Variants in OXSR1 observed in about 807,000 individuals in gnomAD.
OXSR1 encodes the protein serine/threonine-protein kinase OSR1.
A neutral mutation model predicts 79.8 loss-of-function variants in OXSR1; 24 were observed. That is an observed-to-expected ratio of 0.30 (90% CI 0.22 to 0.42). The LOEUF (loss-of-function observed/expected upper bound fraction) is 0.42, where lower values mean the gene tolerates loss of function less well. Among genes scored for constraint, OXSR1 ranks in the 10% least tolerant of loss-of-function variants. The pLI, the probability that OXSR1 is intolerant of heterozygous loss-of-function variation, is 1.00. For synonymous variants in OXSR1, 226 were observed against 209.2 expected (o/e 1.08, Z -0.69); for missense variants, 430 against 618.4 (o/e 0.70, Z 3.23).
intron 1 of OXSR1, among the ~76,000 whole-genome samples, chr3:38,170,661 C>G (rs983828763): frequency 6.6e-6 from 1 of 152,272 alleles, no homozygotes. Flanking sequence ...AGAGGCAGAG[C>G]CAATACTGGC....
intron 8 of OXSR1, among the ~76,000 whole-genome samples, chr3:38,229,092 TAAAAG>T (rs528660597): frequency 5.4e-4 from 82 of 152,330 alleles, no homozygotes; most frequent in African/African-American, 1.9e-3. Context: ...TGTCTTTACT[TAAAAG>T]GAAATAAGAC....
chr3:38,206,485 C>T (rs1172825984), intron 4 of OXSR1, among the ~76,000 whole-genome samples: 1 of 148,890 alleles, frequency 6.7e-6, no homozygotes, highest in Admixed American at 6.7e-5. Flanking sequence ...TATGAATCCA[C>T]TTATTGCATT....
intron 4 of OXSR1, 137 bp downstream of exon 4, chr3:38,199,000 T>TA: frequency 1.6e-6 from 1 of 611,084 alleles, no homozygotes; most frequent in Non-Finnish European, 2.8e-6. Context: ...GAGTCTTAAT[T>TA]ATACAGCTAG....
intron 4 of OXSR1, among the ~76,000 whole-genome samples, chr3:38,199,384 C>T (rs1203887083): frequency 6.6e-6 from 1 of 151,786 alleles, no homozygotes; most frequent in Non-Finnish European, 1.5e-5. Context: ...CCACCTCAGC[C>T]TCCTCAGGCT....
rs917486372 is a variant in OXSR1, at chr3:38,165,743, C to A, written c.-134C>A. ...GACCCCGCGCCCCGGCGCCGTCCGA[C>A]CCGTGGCTGTTCCGAGACGATTGGT... On this transcript the variant is annotated 5_prime_UTR_variant, in exon 1 of 18. Coordinates refer to ENST00000311806, the MANE Select transcript of OXSR1 (RefSeq NM_005109.3). The A allele has an allele frequency of 1.1e-5, 9 of 783,370 alleles. No homozygotes were observed. The highest frequency in any genetic ancestry group is 1.6e-5 in the Non-Finnish European group (8 of 490,270). 48.5% of individuals were successfully genotyped at this position (783,370 alleles called of 1,614,324 possible).
chr3:38,196,402 GA>G (rs1290856855), intron 3 of OXSR1, among the ~76,000 whole-genome samples: 1 of 152,150 alleles, frequency 6.6e-6, no homozygotes, highest in Non-Finnish European at 1.5e-5. Flanking sequence ...AGAAGCGGGG[GA>G]GCTTACAGGA....
intron 4 of OXSR1, among the ~76,000 whole-genome samples, chr3:38,212,882 A>C (rs1406846250): frequency 6.6e-6 from 1 of 152,230 alleles, no homozygotes; most frequent in Non-Finnish European, 1.5e-5. Context: ...TTTAGTTACA[A>C]ATCTTTTCCT....
chr3:38,217,849 A>C (rs576797469), intron 5 of OXSR1, among the ~76,000 whole-genome samples: 1 of 152,282 alleles, frequency 6.6e-6, no homozygotes, highest in East Asian at 1.9e-4. Context: ...TACTTTAAGT[A>C]CCTAAGTGAA....
At chr3:38,184,364 G>C (rs1322946117) in intron 2 of OXSR1, among the ~76,000 whole-genome samples, 1 of 152,136 alleles carries the variant, frequency 6.6e-6, no homozygotes, top group Admixed American at 6.5e-5. Context: ...TACTTCGAAG[G>C]AAATGCTGAT....
At chr3:38,211,918 T>C (rs886375256) in intron 4 of OXSR1, among the ~76,000 whole-genome samples, 4 of 152,252 alleles carry the variant, frequency 2.6e-5, no homozygotes, top group African/African-American at 9.6e-5. Context: ...AGGGCCTGTA[T>C]AGTAGTGATG....
chr3:38,174,242 T>C (rs1701636988), intron 1 of OXSR1, among the ~76,000 whole-genome samples: 1 of 152,138 alleles, frequency 6.6e-6, no homozygotes, highest in African/African-American at 2.4e-5. Flanking sequence ...TGAAAATCAT[T>C]GCAGGGTTTT....
At chr3:38,188,316 A>G (rs1446331751) in intron 2 of OXSR1, among the ~76,000 whole-genome samples, 1 of 152,080 alleles carries the variant, frequency 6.6e-6, no homozygotes, top group Non-Finnish European at 1.5e-5. Flanking sequence ...CTCTATTATT[A>G]TCTCGACTCT....
At chr3:38,197,101 G>A (rs1702084363) in intron 3 of OXSR1, among the ~76,000 whole-genome samples, 1 of 152,246 alleles carries the variant, frequency 6.6e-6, no homozygotes, top group Non-Finnish European at 1.5e-5. Context: ...GGGGATTAAT[G>A]TGTGGTTGAT....
At chr3:38,226,791 A>T (rs1327804264) in intron 8 of OXSR1, among the ~76,000 whole-genome samples, 1 of 151,854 alleles carries the variant, frequency 6.6e-6, no homozygotes, top group Non-Finnish European at 1.5e-5. Context: ...GATTGGAGGA[A>T]ATTAAGAAGA....
intron 3 of OXSR1, among the ~76,000 whole-genome samples, chr3:38,198,189 G>C (rs191370827): frequency 1.3e-5 from 2 of 152,196 alleles, no homozygotes; most frequent in Admixed American, 1.3e-4. Context: ...TATTCTTTTT[G>C]TATTTGTCTT....
At chr3:38,182,520 C>A (rs1192527712) in intron 1 of OXSR1, among the ~76,000 whole-genome samples, 5 of 152,152 alleles carry the variant, frequency 3.3e-5, no homozygotes. Flanking sequence ...CTTATCCATC[C>A]ATTTTTGGTG....
At chr3:38,251,527 A>G in intron 16 of OXSR1, 56 bp downstream of exon 16, 1 of 1,393,066 alleles carries the variant, frequency 7.2e-7, no homozygotes, top group Non-Finnish European at 1.0e-6. Flanking sequence ...TATACTTAGT[A>G]CATAGAAAAG....
chr3:38,180,972 A>G (rs1192532647), intron 1 of OXSR1, among the ~76,000 whole-genome samples: 1 of 152,124 alleles, frequency 6.6e-6, no homozygotes, highest in African/African-American at 2.4e-5. Context: ...GATCCTTAAC[A>G]TCTGCAAAGT....
At position 38,182,991 on chromosome 3, in the gene OXSR1, A is replaced by T; in HGVS notation, c.71-12A>T. ...CATCTACTTATTTACTCTTTTATGT[A>T]TTTGTTTTTAGGGAGTGGAGCAACT... On this transcript the variant is annotated splice_polypyrimidine_tract_variant and intron_variant, in intron 1 of 17. Coordinates refer to ENST00000311806, the MANE Select transcript of OXSR1 (RefSeq NM_005109.3). The T allele has an allele frequency of 6.8e-7, 1 of 1,465,482 alleles. No individual in the cohort carries two copies. Among genetic ancestry groups the T allele is most frequent in the Non-Finnish European group, 9.5e-7 (1 of 1,052,192 alleles). 90.8% of individuals were successfully genotyped at this position (1,465,482 alleles called of 1,614,324 possible).
Sources: allele counts gnomAD v4.1 joint callset (sites outside exome capture counted in the v4.1 genomes callset), GRCh38; gene constraint gnomAD v4.1.1; transcripts MANE v1.5; gene names NCBI Gene and HGNC (gene_info 2026-07-23, HGNC 2026-07-21).